HSF2BP: variants seen among roughly 807,000 people sequenced by gnomAD.
The protein encoded by HSF2BP is heat shock transcription factor 2 binding protein.
A neutral mutation model predicts 35.0 loss-of-function variants in HSF2BP; 35 were observed. The ratio of observed to expected loss-of-function variants is 1.00; its 90% CI spans 0.76 to 1.32. The LOEUF (loss-of-function observed/expected upper bound fraction) is 1.32, where lower values mean the gene tolerates loss of function less well. HSF2BP is among the 40% of genes most tolerant of loss of function. The pLI, the probability that HSF2BP is intolerant of heterozygous loss-of-function variation, is 0.00. For synonymous variants in HSF2BP, 114 were observed against 117.4 expected, an observed-to-expected ratio of 0.97 and a Z score of 0.18; for missense variants, 326 against 321.7, an observed-to-expected ratio of 1.01 and a Z score of -0.10.
intron 5 of HSF2BP, 95 bp downstream of exon 5, chr21:43,633,177 A>G: frequency 7.6e-7 from 1 of 1,319,968 alleles, no homozygotes; most frequent in Non-Finnish European, 1.0e-6. Flanking sequence ...ATGGAAAGAT[A>G]TGGACTTAGT....
intron 8 of HSF2BP, among the ~76,000 whole-genome samples, chr21:43,580,724 A>T (rs1477090973): frequency 1.3e-5 from 2 of 152,262 alleles, no homozygotes; most frequent in Non-Finnish European, 2.9e-5. Flanking sequence ...GACCAACATA[A>T]TAAAACATTC....
intron 6 of HSF2BP, among the ~76,000 whole-genome samples, chr21:43,616,793 C>T (rs560675311): frequency 4.5e-4 from 69 of 151,938 alleles, no homozygotes; most frequent in African/African-American, 1.6e-3. Flanking sequence ...TAGCCGGGCG[C>T]GGTGGCAGGT....
At chr21:43,590,384 T>G (rs1459199341) in intron 8 of HSF2BP, among the ~76,000 whole-genome samples, 1 of 152,198 alleles carries the variant, frequency 6.6e-6, no homozygotes, top group Admixed American at 6.5e-5. Flanking sequence ...CTGCTGGGAA[T>G]GTAAGATGGT....
chr21:43,650,874 A>C (rs927761422), intron 3 of HSF2BP, among the ~76,000 whole-genome samples: 2 of 151,780 alleles, frequency 1.3e-5, no homozygotes, highest in African/African-American at 4.8e-5. Flanking sequence ...CACCCGGCTA[A>C]TTTTTGTATT....
intron 7 of HSF2BP, among the ~76,000 whole-genome samples, chr21:43,599,909 C>T (rs887929215): frequency 1.3e-5 from 2 of 149,264 alleles, no homozygotes; most frequent in Non-Finnish European, 3.0e-5. Flanking sequence ...CTTCCTGCCA[C>T]AAACCTCAGC....
chr21:43,622,197 T>C (rs1391098521), intron 6 of HSF2BP, among the ~76,000 whole-genome samples: 2 of 151,920 alleles, frequency 1.3e-5, no homozygotes, highest in Admixed American at 6.6e-5. Context: ...TAAAAAGCAA[T>C]GAACTAAAAC....
At chr21:43,608,747 A>G (rs1338826920) in intron 7 of HSF2BP, among the ~76,000 whole-genome samples, 2 of 152,018 alleles carry the variant, frequency 1.3e-5, no homozygotes, top group Non-Finnish European at 2.9e-5. Flanking sequence ...GGATCACTTG[A>G]GTTCAGGAGT....
intron 7 of HSF2BP, 94 bp downstream of exon 7, chr21:43,613,736 C>T (rs1308467536): frequency 2.3e-6 from 2 of 867,148 alleles, no homozygotes; most frequent in Non-Finnish European, 3.8e-6. Flanking sequence ...AAAACTACCA[C>T]CAAAATTAAC....
chr21:43,631,347 T>C (rs1221944932), intron 5 of HSF2BP, among the ~76,000 whole-genome samples: 1 of 152,112 alleles, frequency 6.6e-6, no homozygotes, highest in African/African-American at 2.4e-5. Flanking sequence ...TGGCTCCTCT[T>C]GTCCCCTCCA....
intron 8 of HSF2BP, among the ~76,000 whole-genome samples, chr21:43,582,296 GAAGACCTGCTGTGGGAGATA>G: frequency 7.1e-6 from 1 of 140,154 alleles, no homozygotes; most frequent in African/African-American, 2.9e-5. Context: ...TGAGGGGGAT[GAAGACCTGCTGTGGGAGATA>G]AGGGCCTGTT....
chr21:43,656,491 G>C, intron 3 of HSF2BP, 96 bp downstream of exon 3: 1 of 1,166,446 alleles, frequency 8.6e-7, no homozygotes, highest in Non-Finnish European at 1.2e-6. Flanking sequence ...AGGACTGTAA[G>C]AGTACCTTAA....
At chr21:43,657,242 CGCCTGTACGCAGCAG>C (rs2082883196) in intron 2 of HSF2BP, among the ~76,000 whole-genome samples, 1 of 152,122 alleles carries the variant, frequency 6.6e-6, no homozygotes, top group Admixed American at 6.5e-5. Context: ...TGGTGGCCGG[CGCCTGTACGCAGCAG>C]GCTGACACGG....
intron 2 of HSF2BP, among the ~76,000 whole-genome samples, chr21:43,657,622 G>A (rs1319454073): frequency 6.6e-6 from 1 of 152,240 alleles, no homozygotes; most frequent in Non-Finnish European, 1.5e-5. Context: ...ACACGGATCT[G>A]GCCCCAGTCC....
At chr21:43,635,457 AC>A (rs2082538662) in intron 4 of HSF2BP, among the ~76,000 whole-genome samples, 1 of 152,234 alleles carries the variant, frequency 6.6e-6, no homozygotes, top group Non-Finnish European at 1.5e-5. Context: ...CCGAAATAGA[AC>A]CATTGTGGTA....
At chr21:43,591,154 A>G (rs2081921053) in intron 8 of HSF2BP, among the ~76,000 whole-genome samples, 1 of 152,244 alleles carries the variant, frequency 6.6e-6, no homozygotes, top group African/African-American at 2.4e-5. Context: ...ATTAAACAAC[A>G]TATAGTGTTA....
chr21:43,635,075 T>G (rs998064444), intron 4 of HSF2BP, among the ~76,000 whole-genome samples: 6 of 149,550 alleles, frequency 4.0e-5, no homozygotes, highest in Admixed American at 2.0e-4. Context: ...AGTATAATAA[T>G]ATCAAAAAAA....
At chr21:43,630,926 T>C (rs2082448283) in intron 5 of HSF2BP, among the ~76,000 whole-genome samples, 1 of 152,198 alleles carries the variant, frequency 6.6e-6, no homozygotes, top group South Asian at 2.1e-4. Context: ...TTTGAACCTT[T>C]GAGTTACTTC....
At chr21:43,657,880 G>A in intron 2 of HSF2BP, 181 bp downstream of exon 2, 1 of 985,460 alleles carries the variant, frequency 1.0e-6, no homozygotes, top group Non-Finnish European at 1.2e-6. Context: ...AGGCGAAGTC[G>A]CCTCCCGCCC....
At chr21:43,609,705 T>C (rs2082179691) in intron 7 of HSF2BP, among the ~76,000 whole-genome samples, 3 of 151,096 alleles carry the variant, frequency 2.0e-5, no homozygotes, top group African/African-American at 4.9e-5. Context: ...GGGAGAAGAG[T>C]GCCTTGGAGA....
Sources: allele counts gnomAD v4.1 joint callset (sites outside exome capture counted in the v4.1 genomes callset), GRCh38; gene constraint gnomAD v4.1.1; transcripts MANE v1.5; gene names NCBI Gene and HGNC (gene_info 2026-07-23, HGNC 2026-07-21).